The following HIVEP3 variants were observed in gnomAD, a reference collection of about 807,000 sequenced individuals.
HIVEP3 encodes transcription factor HIVEP3.
HIVEP3 carries 49 observed loss-of-function variants against 152.8 expected under a neutral mutation model. The observed-to-expected ratio is 0.32, with a 90% confidence interval of 0.26 to 0.41. HIVEP3 has a LOEUF of 0.41. Among genes scored for constraint, HIVEP3 ranks in the 10% least tolerant of loss-of-function variants. The pLI, the probability that HIVEP3 is intolerant of heterozygous loss-of-function variation, is 1.00. For missense variants in HIVEP3, 2,790 were observed against 3,103.3 expected (o/e 0.90, Z 2.40); for synonymous variants, 1,269 against 1,289.0 (o/e 0.98, Z 0.33).
rs34391384 is a variant in HIVEP3 at position 41,512,313 on chromosome 1, G to A, written c.6405+503C>T. Among the ~76,000 whole-genome samples, 451 of 152,204 alleles carry A rather than the reference G, an allele frequency of 3.0e-3. 5 individuals are homozygous for A. The highest frequency in any genetic ancestry group is 2.7e-3 in the Non-Finnish European group (185 of 68,020). On this transcript the variant is annotated intron_variant, in intron 8 of 8. Coordinates refer to ENST00000372583, the MANE Select transcript of HIVEP3 (RefSeq NM_024503.5). Reference sequence around the variant, plus strand: ...TTTCTCATGAGATCTGGCATTTTGAGCGTGTGGCACCTTTCCCCCAACTCT... The same window carrying A: ...TTTCTCATGAGATCTGGCATTTTGAACGTGTGGCACCTTTCCCCCAACTCT...
At chr1:42,033,663 CA>C (rs1356588220) in intron 1 of HIVEP3, among the ~76,000 whole-genome samples, 2 of 152,212 alleles carry the variant, frequency 1.3e-5, no homozygotes, top group Non-Finnish European at 2.9e-5. Context: ...CTCAAAATCA[CA>C]GATTAGCTGG....
At chr1:41,630,263 T>A (rs1004307259) in intron 2 of HIVEP3, among the ~76,000 whole-genome samples, 4 of 152,054 alleles carry the variant, frequency 2.6e-5, no homozygotes, top group African/African-American at 9.7e-5. Flanking sequence ...CGACAGACAC[T>A]AGTAACTACT....
At chr1:41,788,971 G>A (rs573436821) in intron 1 of HIVEP3, among the ~76,000 whole-genome samples, 5 of 152,310 alleles carry the variant, frequency 3.3e-5, no homozygotes, top group East Asian at 1.9e-4. Flanking sequence ...ACGTGAGAGC[G>A]AAAGCCTGCA....
intron 1 of HIVEP3, among the ~76,000 whole-genome samples, chr1:41,906,849 C>G (rs199863307): frequency 2.0e-5 from 2 of 97,680 alleles, no homozygotes; most frequent in Non-Finnish European, 4.1e-5. Context: ...TTTTTTTTTT[C>G]TCTCTCTCTC....
At chr1:41,895,667 T>C (rs187897313) in intron 1 of HIVEP3, among the ~76,000 whole-genome samples, 52 of 152,202 alleles carry the variant, frequency 3.4e-4, no homozygotes, top group African/African-American at 1.2e-3. Flanking sequence ...AAGGCTGTTC[T>C]AGCTAACGGT....
chr1:41,558,148 C>T (rs1027671720), intron 5 of HIVEP3, among the ~76,000 whole-genome samples: 18 of 152,212 alleles, frequency 1.2e-4, no homozygotes, highest in Admixed American at 2.0e-4. Context: ...AGTGGCCTCT[C>T]AGGTGCCCCA....
rs143804023 is a variant in HIVEP3 at position 41,825,403 on chromosome 1, C to T, written c.-801+93010G>A. Among the ~76,000 whole-genome samples, 473 of 152,064 alleles carry T rather than the reference C, an allele frequency of 3.1e-3. 4 individuals are homozygous for T. The highest frequency in any genetic ancestry group is 0.011 in the African/African-American group (465 of 41,466). ...ACCATGGTAGGGCCAGCTTAGAGGA[C>T]CTTACAACAGGTGCTCGCCACCACG... On this transcript the variant is annotated intron_variant, in intron 1 of 8. Coordinates refer to ENST00000372583, the MANE Select transcript of HIVEP3 (RefSeq NM_024503.5).
chr1:41,568,918 G>A (rs1317544170), intron 5 of HIVEP3, among the ~76,000 whole-genome samples: 1 of 152,146 alleles, frequency 6.6e-6, no homozygotes, highest in African/African-American at 2.4e-5. Flanking sequence ...TGGATCATGG[G>A]GGCAGTGTCT....
intron 1 of HIVEP3, among the ~76,000 whole-genome samples, chr1:41,863,425 C>T (rs1643914033): frequency 1.3e-5 from 2 of 152,114 alleles, no homozygotes; most frequent in African/African-American, 4.8e-5. Flanking sequence ...ATCTGAACTC[C>T]GGCTCAAAAA....
chr1:41,854,275 G>A (rs1643690411), intron 1 of HIVEP3, among the ~76,000 whole-genome samples: 2 of 152,294 alleles, frequency 1.3e-5, no homozygotes, highest in East Asian at 1.9e-4. Flanking sequence ...CTGGGGAAGG[G>A]AGCCTGCTAA....
chr1:41,950,151 G>T (rs1429112669), intron 1 of HIVEP3, among the ~76,000 whole-genome samples: 1 of 152,178 alleles, frequency 6.6e-6, no homozygotes, highest in Non-Finnish European at 1.5e-5. Flanking sequence ...GGCAAAAACA[G>T]GAGGTAAAGA....
intron 1 of HIVEP3, among the ~76,000 whole-genome samples, chr1:41,985,692 A>T (rs1362506372): frequency 6.6e-6 from 1 of 152,190 alleles, no homozygotes; most frequent in East Asian, 1.9e-4. Flanking sequence ...TGAAAAGCTG[A>T]GTTCCTCCTG....
chr1:41,558,108 C>T (rs1184876448), intron 5 of HIVEP3, among the ~76,000 whole-genome samples: 1 of 152,218 alleles, frequency 6.6e-6, no homozygotes, highest in African/African-American at 2.4e-5. Flanking sequence ...TTTCCTGGGC[C>T]CCCATTTCCT....
At chr1:41,787,176 A>C (rs1391797184) in intron 1 of HIVEP3, among the ~76,000 whole-genome samples, 1 of 152,222 alleles carries the variant, frequency 6.6e-6, no homozygotes, top group Non-Finnish European at 1.5e-5. Context: ...AACCATAAAA[A>C]ACTATGAATG....
intron 1 of HIVEP3, among the ~76,000 whole-genome samples, chr1:41,924,658 T>C (rs1042408893): frequency 4.2e-5 from 6 of 142,584 alleles, no homozygotes; most frequent in Middle Eastern, 3.6e-3. Flanking sequence ...ACTGGGGTTG[T>C]TGACGATAAA....
intron 1 of HIVEP3, among the ~76,000 whole-genome samples, chr1:41,707,206 T>C (rs1485017308): frequency 1.3e-5 from 2 of 152,192 alleles, no homozygotes; most frequent in African/African-American, 4.8e-5. Context: ...GGTGAACTGC[T>C]ACATTAGACC....
intron 5 of HIVEP3, among the ~76,000 whole-genome samples, chr1:41,569,972 C>A (rs7519954): frequency 0.19 from 28,216 of 152,162 alleles, 3,139 homozygotes; most frequent in Non-Finnish European, 0.27. Context: ...CTGCAGTATG[C>A]GCTGTGCTGT....
intron 1 of HIVEP3, among the ~76,000 whole-genome samples, chr1:41,829,053 C>A (rs954902888): frequency 6.6e-6 from 1 of 152,160 alleles, no homozygotes; most frequent in South Asian, 2.1e-4. Context: ...CCAGGAGCCA[C>A]CCCTCTCCCA....
chr1:41,706,235 C>T lies in HIVEP3; in HGVS notation c.-800-5240G>A, dbSNP rs181394425. On this transcript the variant is annotated intron_variant, in intron 1 of 8. Coordinates refer to ENST00000372583, the MANE Select transcript of HIVEP3 (RefSeq NM_024503.5). ...TTCCTCCCTGTCCCCTTTTAGGATT[C>T]CCAGTGTTTATTGTTCTCATCGTTG... 4.8e-3 allele frequency among the ~76,000 whole-genome samples: 724 copies of T among 152,234 alleles called. 6 individuals carry two copies. The highest frequency in any genetic ancestry group is 0.014 in the African/African-American group (569 of 41,526).
Sources: gnomAD v4.1 joint callset for allele counts (sites outside exome capture counted in the v4.1 genomes callset) on GRCh38, gnomAD v4.1.1 for gene constraint, MANE v1.5 for transcripts, NCBI Gene and HGNC (gene_info 2026-07-23, HGNC 2026-07-21) for gene names.